The following USH2A variants were observed in gnomAD, a reference collection of about 807,000 sequenced individuals.
USH2A encodes Usher syndrome 2A (autosomal recessive, mild).
Under a neutral mutation model 538.9 loss-of-function variants are expected in USH2A, and 443 were observed. The observed-to-expected ratio is 0.82, with a 90% CI of 0.76 to 0.89. The LOEUF is 0.89. USH2A is among the 40% of genes least tolerant of loss of function. USH2A has a pLI of 0.00. For missense variants in USH2A, 6,633 were observed against 6,324.8 expected, an observed-to-expected ratio of 1.05 and a Z score of -1.65; for synonymous variants, 2,413 against 2,273.5, an observed-to-expected ratio of 1.06 and a Z score of -1.75.
At chr1:216,339,404 G>T (rs1434563841) in intron 4 of USH2A, among the ~76,000 whole-genome samples, 2 of 151,492 alleles carry the variant, frequency 1.3e-5, no homozygotes, top group Non-Finnish European at 3.0e-5. Context: ...TAATCTATAA[G>T]AATGGCAATT....
intron 14 of USH2A, among the ~76,000 whole-genome samples, chr1:216,224,940 T>C (rs953854183): frequency 6.6e-6 from 1 of 152,152 alleles, no homozygotes; most frequent in African/African-American, 2.4e-5. Flanking sequence ...GGAATGTAAT[T>C]TTTATAAATG....
rs753233925 is a variant in USH2A at position 215,996,560 on chromosome 1, GTTTTTTTTTTTT to G, written c.6657+2315_6657+2326del. Among the ~76,000 whole-genome samples, 492 of 51,574 alleles carry G rather than the reference GTTTTTTTTTTTT, an allele frequency of 9.5e-3. 2 individuals carry two copies. Among genetic ancestry groups the G allele is most frequent in the South Asian group, 0.044 (45 of 1,018 alleles). 33.8% of individuals were successfully genotyped at this position (51,574 alleles called of 152,430 possible). Reference sequence around the variant, plus strand: ...TTTGTTGAGAGTAGCAACATATTATGTTTTTTTTTTTTTTTTTTTTTTTTTTTTTTTTTTTGC... The same window carrying G: ...TTTGTTGAGAGTAGCAACATATTATGTTTTTTTTTTTTTTTTTTTTTTTGC... On this transcript the variant is annotated intron_variant, in intron 34 of 71. Coordinates refer to ENST00000307340, the MANE Select transcript of USH2A (RefSeq NM_206933.4).
At chr1:215,730,264 G>T (rs2102715554) in intron 60 of USH2A, among the ~76,000 whole-genome samples, 1 of 152,304 alleles carries the variant, frequency 6.6e-6, no homozygotes. Context: ...AGGAACTGTG[G>T]TTGGCATATC....
chr1:215,957,089 A>G (rs1667086368), intron 37 of USH2A, among the ~76,000 whole-genome samples: 1 of 152,192 alleles, frequency 6.6e-6, no homozygotes, highest in African/African-American at 2.4e-5. Context: ...AATGTGTTGG[A>G]AACTTACAGA....
intron 3 of USH2A, among the ~76,000 whole-genome samples, chr1:216,376,382 G>A (rs2038821190): frequency 6.6e-6 from 1 of 151,902 alleles, no homozygotes; most frequent in South Asian, 2.1e-4. Flanking sequence ...AGAATATAGA[G>A]GGTAGTGAAT....
At chr1:216,150,131 ATCTT>A (rs1490957340) in intron 21 of USH2A, among the ~76,000 whole-genome samples, 1 of 152,002 alleles carries the variant, frequency 6.6e-6, no homozygotes, top group Non-Finnish European at 1.5e-5. Flanking sequence ...CATCCCTACT[ATCTT>A]CTGTCCGGTC....
intron 39 of USH2A, 93 bp from the exon 40 acceptor site, chr1:215,900,310 GT>G (rs1459600368): frequency 7.6e-7 from 1 of 1,310,090 alleles, no homozygotes; most frequent in Non-Finnish European, 1.1e-6. Context: ...TTTAGAGGAT[GT>G]CAACATACAT....
chr1:216,159,571 C>CACACACACACACAG (rs67390722), intron 21 of USH2A, among the ~76,000 whole-genome samples: 1 of 145,130 alleles, frequency 6.9e-6, no homozygotes, highest in African/African-American at 2.5e-5. Context: ...CACACACACA[C>CACACACACACACAG]AGAGAATATT....
intron 61 of USH2A, among the ~76,000 whole-genome samples, chr1:215,704,202 C>A (rs1365567200): frequency 6.6e-6 from 1 of 152,212 alleles, no homozygotes; most frequent in East Asian, 1.9e-4. Flanking sequence ...ATGCAGAAAT[C>A]ACCCACCTTC....
intron 4 of USH2A, among the ~76,000 whole-genome samples, chr1:216,351,655 A>G (rs77289653): frequency 0.01 from 1,555 of 152,072 alleles, 40 homozygotes; most frequent in African/African-American, 0.036. Flanking sequence ...CTGATATTTA[A>G]CAGAACAATT....
chr1:216,086,772 C>A lies in USH2A; in HGVS notation c.4934G>T (p.Gly1645Val). ...TCGCGGGAGCCCTCCCAGAAAGACT[C>A]CTGTGTTATCTCCAATAACAGTACT... Reference protein sequence around the residue: ...NGSTVIGDNTGVFLGGLPRSY... With the variant: ...NGSTVIGDNTVVFLGGLPRSY... Residue 1645 changes from glycine (G) to valine (V), a missense_variant, in exon 24 of 72, where the codon GGA (glycine) becomes GTA (valine). By Grantham distance (109) the Gly-to-Val change is moderately radical. Coordinates refer to ENST00000307340, the MANE Select transcript of USH2A (RefSeq NM_206933.4). The A allele has an allele frequency of 1.9e-6, 3 of 1,613,062 alleles. No homozygotes were observed. The highest frequency in any genetic ancestry group is 2.5e-6 in the Non-Finnish European group (3 of 1,179,352).
intron 9 of USH2A, among the ~76,000 whole-genome samples, chr1:216,315,613 T>C (rs2037492199): frequency 6.6e-6 from 1 of 152,158 alleles, no homozygotes; most frequent in Non-Finnish European, 1.5e-5. Flanking sequence ...AATCACACTT[T>C]TGATGTAAAA....
intron 21 of USH2A, among the ~76,000 whole-genome samples, chr1:216,130,016 T>G (rs1315181065): frequency 3.3e-5 from 5 of 152,004 alleles, no homozygotes; most frequent in Non-Finnish European, 7.4e-5. Flanking sequence ...TGCAGAAGAA[T>G]AAAACTAGAA....
At chr1:215,829,878 A>G (rs1051924021) in intron 47 of USH2A, among the ~76,000 whole-genome samples, 1 of 152,158 alleles carries the variant, frequency 6.6e-6, no homozygotes. Flanking sequence ...GGGGAAAAGG[A>G]AAGTTGCCAA....
chr1:216,061,632 T>C (rs573405633), intron 30 of USH2A, among the ~76,000 whole-genome samples: 37 of 152,352 alleles, frequency 2.4e-4, no homozygotes, highest in South Asian at 1.7e-3. Flanking sequence ...ACATTTTGCA[T>C]GTGGGGCACA....
At chr1:216,219,870 A>C (rs560128265) in intron 14 of USH2A, among the ~76,000 whole-genome samples, 4 of 152,274 alleles carry the variant, frequency 2.6e-5, no homozygotes, top group African/African-American at 9.6e-5. Context: ...GGTAAACAAA[A>C]CAGGAGTAAA....
chr1:216,019,301 A>G (rs1668789251), intron 32 of USH2A, among the ~76,000 whole-genome samples: 1 of 152,204 alleles, frequency 6.6e-6, no homozygotes, highest in African/African-American at 2.4e-5. Context: ...AGTTCAACAT[A>G]GTTCAGTTTA....
At chr1:215,806,454 T>C (rs1318723200) in intron 49 of USH2A, among the ~76,000 whole-genome samples, 2 of 152,082 alleles carry the variant, frequency 1.3e-5, no homozygotes, top group Admixed American at 1.3e-4. Flanking sequence ...TCTCTGACTT[T>C]GAATGTGTCT....
intron 25 of USH2A, among the ~76,000 whole-genome samples, 199 bp from the exon 26 acceptor site, chr1:216,083,785 A>G (rs1312358127): frequency 1.3e-5 from 2 of 152,130 alleles, no homozygotes; most frequent in African/African-American, 4.8e-5. Context: ...AGACTTTGAT[A>G]TATATTATAC....
Sources: gnomAD v4.1 joint callset for allele counts (sites outside exome capture counted in the v4.1 genomes callset) on GRCh38, gnomAD v4.1.1 for gene constraint, MANE v1.5 for transcripts, NCBI Gene and HGNC (gene_info 2026-07-23, HGNC 2026-07-21) for gene names.